The following MCAT variants were observed in gnomAD, a reference collection of about 807,000 sequenced individuals.
MCAT encodes malonyl-CoA-acyl carrier protein transacylase, mitochondrial.
A neutral mutation model predicts 22.9 loss-of-function variants in MCAT; 22 were observed. The ratio of observed to expected loss-of-function variants is 0.96; its 90% CI spans 0.69 to 1.37. MCAT has a LOEUF of 1.37. MCAT is among the 40% of genes most tolerant of loss of function. The pLI is 0.00. For missense variants in MCAT, 534 were observed against 533.6 expected (o/e 1.00, Z -0.01); for synonymous variants, 240 against 233.9 (o/e 1.03, Z -0.24).
intron 2 of MCAT, among the ~76,000 whole-genome samples, chr22:43,140,419 C>T (rs1441243088): frequency 1.3e-5 from 2 of 152,210 alleles, no homozygotes; most frequent in Non-Finnish European, 2.9e-5. Context: ...TCACAGCTCA[C>T]TGCAGCTTTG....
At chr22:43,139,841 T>G (rs979303430) in intron 2 of MCAT, among the ~76,000 whole-genome samples, 3 of 152,126 alleles carry the variant, frequency 2.0e-5, no homozygotes, top group Non-Finnish European at 4.4e-5. Flanking sequence ...CCTCCCAAAG[T>G]GCTGGGCTGG....
chr22:43,140,884 G>A lies in MCAT; in HGVS notation c.511+278C>T, dbSNP rs116350038. 3.5e-3 allele frequency: 1,429 copies of A among 407,258 alleles called. 16 individuals are homozygous for A. The highest frequency in any genetic ancestry group is 0.025 in the African/African-American group (1,268 of 50,794). The allele number at this position is 407,258 out of a possible 1,614,324, so 25.2% of individuals were successfully genotyped here. A position where few individuals can be genotyped will look rare whatever the true frequency, so the allele number is the denominator to read the frequency against. The stretch of plus-strand genomic sequence containing the variant: ...GAATATCTACTGAACACATACTCTC[G>A]TGTTGCAGGTGCTGCAGGTATGAGT... On this transcript the variant is annotated intron_variant, in intron 2 of 3. Transcript: ENST00000290429.
Position 43,133,355 on chromosome 22 carries a change from TG to T in MCAT, c.860del (p.Ala287GlufsTer38), listed in dbSNP as rs1301041046. ...AAACCAGAGGCTTCTTAATGTCGAC[TG>T]CCTTTAAAGCTTGCGTCAGGGGCTC... is the stretch of plus-strand genomic sequence containing the variant. ...AVEPLTQALKAVDIKKPLVSV... is the reference protein window; with the variant it reads ...AVEPLTQALKXVDIKKPLVSV... On this transcript the variant is annotated frameshift_variant, in exon 4 of 4. Transcript: ENST00000290429. LOFTEE classifies it low-confidence loss of function (END_TRUNC). The T allele has an allele frequency of 6.2e-7, 1 of 1,614,078 alleles. No individual in the cohort carries two copies. Among genetic ancestry groups the T allele is most frequent in the African/African-American group, 1.3e-5 (1 of 74,920 alleles).
chr22:43,137,378 A>G, intron 2 of MCAT, 80 bp from the exon 3 acceptor site: 1 of 1,177,716 alleles, frequency 8.5e-7, no homozygotes, highest in Non-Finnish European at 1.2e-6. Flanking sequence ...ACAAAGCCCA[A>G]GCTCCACTCT....
intron 3 of MCAT, among the ~76,000 whole-genome samples, chr22:43,136,160 C>T (rs1930604084): frequency 6.6e-6 from 1 of 152,220 alleles, no homozygotes. Flanking sequence ...AGGAGGAACA[C>T]TTGAGCCCAG....
chr22:43,133,254 ACCAG>A lies in MCAT; in HGVS notation c.958_961del (p.Leu320SerfsTer4). The A allele has an allele frequency of 6.2e-7, 1 of 1,614,108 alleles. No homozygotes were observed. On this transcript the variant is annotated frameshift_variant, in exon 4 of 4. Transcript: ENST00000290429. LOFTEE classifies it low-confidence loss of function (END_TRUNC). ...CGTCTGCTCCCACTTCACTGGGGAG[ACCAG>A]CTGCTGGGCCAGCAGCTTGTGGATG...
chr22:43,133,110 T>G lies in MCAT; in HGVS notation c.1106A>C (p.Tyr369Ser). Residue 369 changes from tyrosine to serine, a missense_variant, in exon 4 of 4, where the codon TAC (tyrosine) becomes TCC (serine). By Grantham distance (144) the Tyr-to-Ser change is moderately radical. Coordinates refer to ENST00000290429, the MANE Select transcript of MCAT (RefSeq NM_173467.5). ...KSCNMQAWKS[Y>S]SAVDVLQTLE... ...GGTCTGCAGCACATCCACGGCGCTG[T>G]AGGACTTCCAGGCCTGCATGTTACA... 6.2e-7 allele frequency: 1 copy of G among 1,614,182 alleles called. No homozygotes were observed. Among genetic ancestry groups the G allele is most frequent in the Non-Finnish European group, 8.5e-7 (1 of 1,180,026 alleles).
In MCAT at chr22:43,133,361, T is replaced by TA; in HGVS notation, c.854dup (p.Leu285PhefsTer7). 6.2e-7 allele frequency: 1 copy of TA among 1,614,180 alleles called. No homozygotes were observed. The highest frequency in any genetic ancestry group is 8.5e-7 in the Non-Finnish European group (1 of 1,180,036). On this transcript the variant is annotated frameshift_variant, in exon 4 of 4. Coordinates refer to ENST00000290429, the MANE Select transcript of MCAT (RefSeq NM_173467.5). LOFTEE classifies it low-confidence loss of function (END_TRUNC). ...GAGGCTTCTTAATGTCGACTGCCTTTAAAGCTTGCGTCAGGGGCTCCACGG... is the reference window on the plus strand; with the variant it reads ...GAGGCTTCTTAATGTCGACTGCCTTTAAAAGCTTGCGTCAGGGGCTCCACGG...
chr22:43,137,196 T>G lies in MCAT; in HGVS notation c.614A>C (p.Asn205Thr). 1.9e-6 allele frequency: 3 copies of G among 1,614,142 alleles called. No individual in the cohort carries two copies. The highest frequency in any genetic ancestry group is 2.2e-5 in the South Asian group (2 of 91,082). ...SVLGQPQSKF[N>T]FACLEAREHC... ...TTCCCGGGCTTCCAAACAGGCGAAG[T>G]TGAACTTGGACTGAGGCTGGCCGAG... Residue 205 changes from asparagine to threonine, a missense_variant, in exon 3 of 4, where the codon AAC (asparagine) becomes ACC (threonine). By Grantham distance (65) the Asn-to-Thr change is moderately conservative. Coordinates refer to ENST00000290429, the MANE Select transcript of MCAT (RefSeq NM_173467.5).
Position 43,143,376 on chromosome 22 carries a change from C to T in MCAT, c.-28G>A. The T allele has an allele frequency of 7.5e-7, 1 of 1,341,382 alleles. No homozygotes were observed. The highest frequency in any genetic ancestry group is 9.5e-7 in the Non-Finnish European group (1 of 1,049,782). The allele number at this position is 1,341,382 out of a possible 1,614,324, so 83.1% of individuals were successfully genotyped here. A position where few individuals can be genotyped will look rare whatever the true frequency, so the allele number is the denominator to read the frequency against. On this transcript the variant is annotated 5_prime_UTR_variant, in exon 1 of 4. Coordinates refer to ENST00000290429, the MANE Select transcript of MCAT (RefSeq NM_173467.5). ...TCGGACACCTGCCCGCGCGCGTTAC[C>T]GTGGCGACCGAGGCCCGACTGCGGC...
chr22:43,133,301 T>C lies in MCAT; in HGVS notation c.915A>G (p.Arg305=). ...TGTGGATGTGCCCGGGATGCCTGTA[T>C]CTATGCGCGTGGACGTTGGAGTAGA... is the stretch of plus-strand genomic sequence containing the variant. ...VSVYSNVHAH[R]YRHPGHIHKL... The change falls in exon 4 of 4, where the codon AGA becomes AGG. Residue 305 remains arginine, a synonymous_variant. Transcript: ENST00000290429. 1 of 1,614,184 alleles carries C rather than the reference T, an allele frequency of 6.2e-7. No individual in the cohort carries two copies. The highest frequency in any genetic ancestry group is 8.5e-7 in the Non-Finnish European group (1 of 1,180,026).
Position 43,132,245 on chromosome 22 carries a change from G to T in MCAT, c.*798C>A, listed in dbSNP as rs2245947. 0.51 allele frequency: 77,739 copies of T among 152,134 alleles called. 23,975 individuals carry two copies. Among genetic ancestry groups the T allele is most frequent in the Non-Finnish European group, 0.68 (46,229 of 67,972 alleles). The allele number at this position is 152,134 out of a possible 1,614,324, so 9.4% of individuals were successfully genotyped here. ...CATACTTAATATTGGCGCAGGAGCTGCTCTGAGGACGGGGCATGGAGCCAG... is the reference window on the plus strand; with the variant it reads ...CATACTTAATATTGGCGCAGGAGCTTCTCTGAGGACGGGGCATGGAGCCAG... On this transcript the variant is annotated 3_prime_UTR_variant, in exon 4 of 4. Coordinates refer to ENST00000290429, the MANE Select transcript of MCAT (RefSeq NM_173467.5).
rs1930843435 is a variant in MCAT at position 43,143,366 on chromosome 22, C to T, written c.-18G>A. 1.5e-6 allele frequency: 2 copies of T among 1,349,848 alleles called. No homozygotes were observed. Among genetic ancestry groups the T allele is most frequent in the Non-Finnish European group, 1.9e-6 (2 of 1,055,914 alleles). 83.6% of individuals were successfully genotyped at this position (1,349,848 alleles called of 1,614,324 possible). On this transcript the variant is annotated 5_prime_UTR_variant, in exon 1 of 4. Transcript: ENST00000290429. The stretch of plus-strand genomic sequence containing the variant: ...ACGCTCATGGTCGGACACCTGCCCG[C>T]GCGCGTTACCGTGGCGACCGAGGCC...
chr22:43,135,163 G>A (rs1418577035), intron 3 of MCAT, among the ~76,000 whole-genome samples: 2 of 152,222 alleles, frequency 1.3e-5, no homozygotes, highest in African/African-American at 4.8e-5. Flanking sequence ...CCCCTGAGGG[G>A]GTACCCCTGC....
chr22:43,137,616 GGA>G (rs1930655600), intron 2 of MCAT, among the ~76,000 whole-genome samples: 1 of 152,158 alleles, frequency 6.6e-6, no homozygotes, highest in Non-Finnish European at 1.5e-5. Flanking sequence ...TCTGACTAGG[GGA>G]GAGTGCCACT....
intron 2 of MCAT, among the ~76,000 whole-genome samples, chr22:43,137,731 C>T (rs1930659828): frequency 7.0e-6 from 1 of 142,170 alleles, no homozygotes; most frequent in African/African-American, 2.9e-5. Flanking sequence ...CCAATAGCGC[C>T]ACTGTTTTTT....
chr22:43,136,312 T>C (rs867847793), intron 3 of MCAT, among the ~76,000 whole-genome samples: 15 of 152,206 alleles, frequency 9.9e-5, no homozygotes, highest in South Asian at 2.1e-4. Flanking sequence ...GGACATGAAG[T>C]AAGACAGAAA....
chr22:43,138,451 T>A (rs994362442), intron 2 of MCAT, among the ~76,000 whole-genome samples: 7 of 152,086 alleles, frequency 4.6e-5, no homozygotes, highest in African/African-American at 1.7e-4. Flanking sequence ...AAGAGTGGCC[T>A]GAGGGCTGGT....
At chr22:43,141,637 T>C (rs1930771837) in intron 1 of MCAT, among the ~76,000 whole-genome samples, 1 of 152,118 alleles carries the variant, frequency 6.6e-6, no homozygotes, top group Non-Finnish European at 1.5e-5. Flanking sequence ...AATGGCGTGA[T>C]CTCGGCTCAC....
Sources: allele counts gnomAD v4.1 joint callset (sites outside exome capture counted in the v4.1 genomes callset), GRCh38; gene constraint gnomAD v4.1.1; transcripts MANE v1.5; gene names NCBI Gene and HGNC (gene_info 2026-07-23, HGNC 2026-07-21).